SCRT2: variants seen among roughly 807,000 people sequenced by gnomAD.
SCRT2 encodes transcriptional repressor scratch 2.
Under a neutral mutation model 3.7 loss-of-function variants are expected in SCRT2, and 2 were observed. The ratio of observed to expected loss-of-function variants is 0.54; its 90% CI spans 0.22 to 1.70. SCRT2 has a LOEUF of 1.70. SCRT2 is among the 40% of genes most tolerant of loss of function. SCRT2 has a pLI of 0.19. For synonymous variants in SCRT2, 256 were observed against 220.6 expected (o/e 1.16, Z -1.42); for missense variants, 456 against 468.5 (o/e 0.97, Z 0.25).
chr20:675,288 C>G lies in SCRT2; in HGVS notation c.133+181G>C, dbSNP rs796161387. Among the ~76,000 whole-genome samples, 3 of 152,130 alleles carry G rather than the reference C, an allele frequency of 2.0e-5. No individual in the cohort carries two copies. The highest frequency in any genetic ancestry group is 4.4e-5 in the Non-Finnish European group (3 of 67,990). On this transcript the variant is annotated intron_variant, in intron 1 of 1. Coordinates refer to ENST00000246104, the MANE Select transcript of SCRT2 (RefSeq NM_033129.4). The surrounding 1 kb of genome is among the most constrained non-coding windows in gnomAD (Gnocchi z 6.9). ...CCGACCCCGCGACTTTCCCTTTGTA[C>G]GACCTAGCCCCTGCCCCGCCCGCAC...
chr20:672,289 C>CT (rs1318206047), intron 1 of SCRT2, among the ~76,000 whole-genome samples: 1 of 152,050 alleles, frequency 6.6e-6, no homozygotes, highest in Non-Finnish European at 1.5e-5. Context: ...GTTCTGTGGG[C>CT]TTGGGGGGAC....
chr20:663,758 G>C lies in SCRT2; in HGVS notation c.837C>G (p.Leu279=), dbSNP rs772838171. 6.3e-7 allele frequency: 1 copy of C among 1,579,108 alleles called. No homozygotes were observed. Among genetic ancestry groups the C allele is most frequent in the Non-Finnish European group, 8.6e-7 (1 of 1,164,962 alleles). The part of the protein sequence containing the change: ...RCRQCDKSFA[L]KSYLHKHCEA... ...CGCAGTGCTTGTGGAGGTAGGACTT[G>C]AGCGCGAAGCTCTTGTCGCACTGGC... The change falls in exon 2 of 2, where the codon CTC becomes CTG. Residue 279 remains leucine, a synonymous_variant. Transcript: ENST00000246104. This position sits in a 1 kb window ranked among gnomAD's most constrained non-coding sequence, Gnocchi z 6.9.
chr20:674,378 A>ATCTCTCTC lies in SCRT2; in HGVS notation c.133+1083_133+1090dup, dbSNP rs142958054. Among the ~76,000 whole-genome samples the ATCTCTCTC allele has an allele frequency of 4.3e-4, 44 of 102,116 alleles. 1 individual carries two copies. The highest frequency in any genetic ancestry group is 1.4e-3 in the South Asian group (4 of 2,796). The allele number at this position is 102,116 out of a possible 152,430, so 67.0% of individuals were successfully genotyped here. On this transcript the variant is annotated intron_variant, in intron 1 of 1. Transcript: ENST00000246104. ...TCTCTCTCTCTCTTTCCCCACCCCC[A>ATCTCTCTC]TCTCTCTCTCTCTCTCTCTCTCACA...
intron 1 of SCRT2, among the ~76,000 whole-genome samples, chr20:672,540 T>G (rs1038479627): frequency 2.6e-5 from 4 of 151,972 alleles, no homozygotes; most frequent in African/African-American, 7.3e-5. Flanking sequence ...TGCATCTTTA[T>G]CAGCTAGGAG....
chr20:663,701 G>T lies in SCRT2; in HGVS notation c.894C>A (p.Pro298=), dbSNP rs1430954193. The T allele has an allele frequency of 2.0e-6, 3 of 1,518,810 alleles. No individual in the cohort carries two copies. Among genetic ancestry groups the T allele is most frequent in the Non-Finnish European group, 1.8e-6 (2 of 1,135,710 alleles). 94.1% of individuals were successfully genotyped at this position (1,518,810 alleles called of 1,614,324 possible). Residue 298 remains proline (P), a synonymous_variant, in exon 2 of 2, where the codon CCC becomes CCA. Coordinates refer to ENST00000246104, the MANE Select transcript of SCRT2 (RefSeq NM_033129.4). This position sits in a 1 kb window ranked among gnomAD's most constrained non-coding sequence, Gnocchi z 6.9. The part of the protein sequence containing the change: ...EAACAKAAEP[P]PPTPAGPAS Reference sequence around the variant, plus strand: ...TGGCCGGGCCGGCGGGGGTCGGCGGGGGTGGCTCGGCCGCCTTGGCGCAGG... The same window carrying T: ...TGGCCGGGCCGGCGGGGGTCGGCGGTGGTGGCTCGGCCGCCTTGGCGCAGG...
chr20:674,399 T>TCTCTCTCTCA (rs1399542427), intron 1 of SCRT2, among the ~76,000 whole-genome samples: 1 of 106,732 alleles, frequency 9.4e-6, no homozygotes, highest in Admixed American at 9.7e-5. Context: ...TCTCTCTCTC[T>TCTCTCTCTCA]CACACACACA....
At position 667,049 on chromosome 20, in the gene SCRT2, A is replaced by C. The variant is rs1984176679; in HGVS notation, c.134-2588T>G. Among the ~76,000 whole-genome samples, 1 of 152,184 alleles carries C rather than the reference A, an allele frequency of 6.6e-6. No individual in the cohort carries two copies. Among genetic ancestry groups the C allele is most frequent in the Admixed American group, 6.5e-5 (1 of 15,276 alleles). ...AGACGGCCTGGATTGTTTTGGCTCT[A>C]CCATTCCCAGCAGTGTGACCTTGGC... On this transcript the variant is annotated intron_variant, in intron 1 of 1. Transcript: ENST00000246104. This position sits in a 1 kb window ranked among gnomAD's most constrained non-coding sequence, Gnocchi z 4.4.
chr20:674,337 TCTCA>T (rs1178945201), intron 1 of SCRT2, among the ~76,000 whole-genome samples: 1 of 150,920 alleles, frequency 6.6e-6, no homozygotes, highest in Non-Finnish European at 1.5e-5. Flanking sequence ...TTTTCTCCTC[TCTCA>T]ATCTCCCTCT....
At chr20:673,803 GAC>G (rs747542568) in intron 1 of SCRT2, among the ~76,000 whole-genome samples, 10 of 152,208 alleles carry the variant, frequency 6.6e-5, no homozygotes, top group Non-Finnish European at 1.3e-4. Flanking sequence ...CTGGCCTGGG[GAC>G]AGGACCAACG....
chr20:674,754 T>G (rs1984471961), intron 1 of SCRT2, among the ~76,000 whole-genome samples: 1 of 143,204 alleles, frequency 7.0e-6, no homozygotes, highest in Non-Finnish European at 1.5e-5. Flanking sequence ...GGAGGGGGCT[T>G]ACGAGGAGCA....
intron 1 of SCRT2, among the ~76,000 whole-genome samples, chr20:672,646 G>A (rs995502473): frequency 1.4e-5 from 2 of 147,206 alleles, no homozygotes; most frequent in South Asian, 2.1e-4. Context: ...TGACCCTGCA[G>A]CCCGAGCTGC....
rs1984515816 is a variant in SCRT2, at chr20:675,662, C to A, written c.-61G>T. On this transcript the variant is annotated 5_prime_UTR_variant, in exon 1 of 2. Transcript: ENST00000246104. The surrounding 1 kb of genome is among the most constrained non-coding windows in gnomAD (Gnocchi z 6.9). ...GCCGGCCGGGCGCGATCGGCTGTGT[C>A]CGCGCGGGTTTTCAGCACTGGACAG... 1 of 1,203,048 alleles carries A rather than the reference C, an allele frequency of 8.3e-7. No homozygotes were observed. Among genetic ancestry groups the A allele is most frequent in the Non-Finnish European group, 1.1e-6 (1 of 952,034 alleles). The allele number at this position is 1,203,048 out of a possible 1,614,324, so 74.5% of individuals were successfully genotyped here. A position where few individuals can be genotyped will look rare whatever the true frequency, so the allele number is the denominator to read the frequency against.
Position 663,694 on chromosome 20 carries a change from T to C in SCRT2, c.901A>G (p.Thr301Ala). 1 of 1,506,560 alleles carries C rather than the reference T, an allele frequency of 6.6e-7. No individual in the cohort carries two copies. The highest frequency in any genetic ancestry group is 8.9e-7 in the Non-Finnish European group (1 of 1,128,520). The allele number at this position is 1,506,560 out of a possible 1,614,324, so 93.3% of individuals were successfully genotyped here. ...CAKAAEPPPPTPAGPAS is the reference protein window; with the variant it reads ...CAKAAEPPPPAPAGPAS ...GCTCAGCTGGCCGGGCCGGCGGGGG[T>C]CGGCGGGGGTGGCTCGGCCGCCTTG... is the stretch of plus-strand genomic sequence containing the variant. Residue 301 changes from threonine to alanine, a missense_variant, in exon 2 of 2, where the codon ACC (threonine) becomes GCC (alanine). Physicochemically the swap from Thr to Ala is moderately conservative, Grantham distance 58 (BLOSUM62 0). This residue lies in a region of SCRT2 where 144 missense variants were observed against 141.9 expected (regional missense o/e 1.01). Coordinates refer to ENST00000246104, the MANE Select transcript of SCRT2 (RefSeq NM_033129.4). This position sits in a 1 kb window ranked among gnomAD's most constrained non-coding sequence, Gnocchi z 6.9.
Position 663,781 on chromosome 20 carries a change from G to T in SCRT2, c.814C>A (p.Gln272Lys). The T allele has an allele frequency of 6.3e-7, 1 of 1,590,464 alleles. No homozygotes were observed. The highest frequency in any genetic ancestry group is 8.5e-7 in the Non-Finnish European group (1 of 1,170,646). ...HSAFKHYRCR[Q>K]CDKSFALKSY... The stretch of plus-strand genomic sequence containing the variant: ...TTGAGCGCGAAGCTCTTGTCGCACT[G>T]GCGGCAGCGGTAGTGCTTGAAGGCC... Residue 272 changes from glutamine to lysine, a missense_variant, in exon 2 of 2, where the codon CAG becomes AAG. Coordinates refer to ENST00000246104, the MANE Select transcript of SCRT2 (RefSeq NM_033129.4). The surrounding 1 kb of genome is among the most constrained non-coding windows in gnomAD (Gnocchi z 6.9).
intron 1 of SCRT2, among the ~76,000 whole-genome samples, chr20:674,395 T>TCA (rs1299579486): frequency 4.1e-5 from 4 of 98,186 alleles, no homozygotes; most frequent in African/African-American, 1.1e-4. Flanking sequence ...TCTCTCTCTC[T>TCA]CTCTCACACA....
chr20:674,690 T>A (rs903889295), intron 1 of SCRT2, among the ~76,000 whole-genome samples: 35 of 55,282 alleles, frequency 6.3e-4, no homozygotes, highest in African/African-American at 2.7e-3. Context: ...AGAGATGGAG[T>A]GTGTGTGTGT....
At chr20:668,264 T>G (rs1426378540) in intron 1 of SCRT2, among the ~76,000 whole-genome samples, 2 of 152,164 alleles carry the variant, frequency 1.3e-5, no homozygotes, top group Non-Finnish European at 2.9e-5. Flanking sequence ...CTGTGTGACC[T>G]TGAGCAAACC....
intron 1 of SCRT2, among the ~76,000 whole-genome samples, chr20:674,581 T>G (rs769934703): frequency 1.8e-4 from 27 of 152,040 alleles, no homozygotes; most frequent in Non-Finnish European, 3.8e-4. Context: ...ACAGAAGCAG[T>G]CTCCACTTTC....
rs1416402853 is a variant in SCRT2, at chr20:662,721, A to C, written c.*950T>G. ...GCGAGGTGCTCCAGACCTCCCCCCA[A>C]CAAGTAAGGAAGGGGATCTGTGGCC... On this transcript the variant is annotated 3_prime_UTR_variant, in exon 2 of 2. Coordinates refer to ENST00000246104, the MANE Select transcript of SCRT2 (RefSeq NM_033129.4). 1 of 152,724 alleles carries C rather than the reference A, an allele frequency of 6.5e-6. No individual in the cohort carries two copies. Among genetic ancestry groups the C allele is most frequent in the Non-Finnish European group, 1.5e-5 (1 of 68,074 alleles). The allele number at this position is 152,724 out of a possible 1,614,324, so 9.5% of individuals were successfully genotyped here.
Sources: gnomAD v4.1 joint callset for allele counts (sites outside exome capture counted in the v4.1 genomes callset) on GRCh38, gnomAD v4.1.1 for gene constraint, gnomAD v4.1.1 regional missense constraint, Gnocchi (gnomAD v3.1) non-coding constraint, MANE v1.5 for transcripts, NCBI Gene and HGNC (gene_info 2026-07-23, HGNC 2026-07-21) for gene names.